Variants in PRRC1 observed in about 807,000 individuals in gnomAD.
PRRC1 encodes the protein protein PRRC1.
PRRC1 carries 39 observed loss-of-function variants against 40.7 expected under a neutral mutation model. That is an observed-to-expected ratio of 0.96 (90% CI 0.74 to 1.25). The LOEUF (loss-of-function observed/expected upper bound fraction) is 1.25. Ranked by LOEUF, PRRC1 falls within the 50% of genes most tolerant of loss-of-function variation. The pLI is 0.00. For missense variants in PRRC1, 573 were observed against 548.3 expected, an observed-to-expected ratio of 1.05 and a Z score of -0.45; for synonymous variants, 175 against 193.3, an observed-to-expected ratio of 0.91 and a Z score of 0.79.
intron 7 of PRRC1, among the ~76,000 whole-genome samples, chr5:127,543,367 T>C (rs233029): frequency 0.99 from 149,842 of 151,038 alleles, 74,364 homozygotes; most frequent in Middle Eastern, 1. Flanking sequence ...TTGCTCTTCT[T>C]GAGGAGTATC....
In PRRC1 at chr5:127,552,703, A is replaced by G. The variant is rs1046119826; in HGVS notation, c.*787A>G. 3.9e-5 allele frequency: 38 copies of G among 982,258 alleles called. No individual in the cohort carries two copies. Among genetic ancestry groups the G allele is most frequent in the Non-Finnish European group, 4.4e-5 (36 of 826,780 alleles). The allele number at this position is 982,258 out of a possible 1,614,324, so 60.8% of individuals were successfully genotyped here. On this transcript the variant is annotated 3_prime_UTR_variant, in exon 9 of 9. Coordinates refer to ENST00000296666, the MANE Select transcript of PRRC1 (RefSeq NM_130809.5). ...TTATTTTTGTATAATACTGTTCAGT[A>G]CTTCCAAGAATAAGCTCTGACAACA...
intron 4 of PRRC1, among the ~76,000 whole-genome samples, chr5:127,529,932 G>A (rs1767721153): frequency 6.6e-6 from 1 of 151,858 alleles, no homozygotes; most frequent in Non-Finnish European, 1.5e-5. Context: ...ACCTTTATTT[G>A]GGACCCTAAG....
Position 127,553,937 on chromosome 5 carries a change from A to T in PRRC1, c.*2021A>T, listed in dbSNP as rs974121828. 1.3e-6 allele frequency: 2 copies of T among 1,532,786 alleles called. No individual in the cohort carries two copies. The highest frequency in any genetic ancestry group is 1.4e-5 in the African/African-American group (1 of 72,852). The allele number at this position is 1,532,786 out of a possible 1,614,324, so 94.9% of individuals were successfully genotyped here. On this transcript the variant is annotated 3_prime_UTR_variant, in exon 9 of 9. Coordinates refer to ENST00000296666, the MANE Select transcript of PRRC1 (RefSeq NM_130809.5). The stretch of plus-strand genomic sequence containing the variant: ...GGTGAGGAAGATGAGAGATGGTCAG[A>T]TGGAAGAGAGAAATACATGAACTGC...
intron 8 of PRRC1, chr5:127,551,432 A>G (rs1030817584): frequency 1.1e-5 from 4 of 371,814 alleles, no homozygotes; most frequent in Non-Finnish European, 2.0e-5. Context: ...CTTATTATTA[A>G]CCTGAAGTGA....
At position 127,552,724 on chromosome 5, in the gene PRRC1, C is replaced by CA. The variant is rs1381207997; in HGVS notation, c.*810dup. On this transcript the variant is annotated 3_prime_UTR_variant, in exon 9 of 9. Coordinates refer to ENST00000296666, the MANE Select transcript of PRRC1 (RefSeq NM_130809.5). Reference sequence around the variant, plus strand: ...CAGTACTTCCAAGAATAAGCTCTGACAACAGCCATTGTTTCTGCTTCCACT... The same window carrying CA: ...CAGTACTTCCAAGAATAAGCTCTGACAAACAGCCATTGTTTCTGCTTCCACT... 2 of 983,216 alleles carry CA rather than the reference C, an allele frequency of 2.0e-6. No individual in the cohort carries two copies. Among genetic ancestry groups the CA allele is most frequent in the Non-Finnish European group, 2.4e-6 (2 of 827,712 alleles). 60.9% of individuals were successfully genotyped at this position (983,216 alleles called of 1,614,324 possible).
chr5:127,527,411 C>T (rs1054077865), intron 4 of PRRC1, among the ~76,000 whole-genome samples: 2 of 151,950 alleles, frequency 1.3e-5, no homozygotes, highest in Non-Finnish European at 2.9e-5. Flanking sequence ...TATAGTCACC[C>T]TGTTGTACAA....
chr5:127,530,485 C>A, intron 5 of PRRC1, 89 bp downstream of exon 5: 1 of 728,226 alleles, frequency 1.4e-6, no homozygotes, highest in Non-Finnish European at 2.2e-6. Context: ...TGTTCGTTTC[C>A]ACTGATTGTG....
chr5:127,551,996 G>T lies in PRRC1; in HGVS notation c.*80G>T. 6.3e-7 allele frequency: 1 copy of T among 1,581,082 alleles called. No homozygotes were observed. Among genetic ancestry groups the T allele is most frequent in the Non-Finnish European group, 8.6e-7 (1 of 1,162,482 alleles). On this transcript the variant is annotated 3_prime_UTR_variant, in exon 9 of 9. Coordinates refer to ENST00000296666, the MANE Select transcript of PRRC1 (RefSeq NM_130809.5). ...AGAAGTGGTTGTACCTTCCTAAATC[G>T]AATAGTCTAAATGAATCCAGTAGTT... is the stretch of plus-strand genomic sequence containing the variant.
intron 5 of PRRC1, among the ~76,000 whole-genome samples, chr5:127,533,346 C>G (rs1307959610): frequency 2.6e-5 from 4 of 152,058 alleles, no homozygotes; most frequent in Admixed American, 1.3e-4. Flanking sequence ...AAATATGTAA[C>G]TTACACTTCA....
At chr5:127,518,578 T>G (rs1232643464) in intron 1 of PRRC1, among the ~76,000 whole-genome samples, 2 of 152,230 alleles carry the variant, frequency 1.3e-5, no homozygotes, top group Non-Finnish European at 2.9e-5. Flanking sequence ...AAAATTTTAT[T>G]TCGGGGTCAG....
intron 1 of PRRC1, among the ~76,000 whole-genome samples, chr5:127,521,257 C>T (rs944969879): frequency 1.3e-5 from 2 of 152,152 alleles, no homozygotes; most frequent in Non-Finnish European, 2.9e-5. Flanking sequence ...CCTTAGTCAC[C>T]CTTGGTCACC....
At position 127,553,526 on chromosome 5, in the gene PRRC1, C is replaced by T. The variant is rs1561691410; in HGVS notation, c.*1610C>T. On this transcript the variant is annotated 3_prime_UTR_variant, in exon 9 of 9. Coordinates refer to ENST00000296666, the MANE Select transcript of PRRC1 (RefSeq NM_130809.5). ...ACAAGAAGGCTTTCTCTACCATTTG[C>T]GTCTACACTTTATTTTAAAAGCTAT... 1.3e-5 allele frequency: 15 copies of T among 1,173,734 alleles called. No homozygotes were observed. Among genetic ancestry groups the T allele is most frequent in the South Asian group, 1.9e-5 (1 of 53,652 alleles). 72.7% of individuals were successfully genotyped at this position (1,173,734 alleles called of 1,614,324 possible).
intron 7 of PRRC1, among the ~76,000 whole-genome samples, chr5:127,540,708 T>G (rs1768020291): frequency 6.6e-6 from 1 of 152,164 alleles, no homozygotes; most frequent in Non-Finnish European, 1.5e-5. Flanking sequence ...CTTCCGTCAT[T>G]TCTGTTAAAA....
chr5:127,533,174 G>C (rs1389388346), intron 5 of PRRC1, among the ~76,000 whole-genome samples: 1 of 151,728 alleles, frequency 6.6e-6, no homozygotes, highest in Non-Finnish European at 1.5e-5. Flanking sequence ...AACATTGTGG[G>C]GATATTTAAT....
chr5:127,552,738 T>C lies in PRRC1; in HGVS notation c.*822T>C, dbSNP rs2127122517. The C allele has an allele frequency of 1.0e-6, 1 of 984,400 alleles. No homozygotes were observed. The highest frequency in any genetic ancestry group is 1.2e-6 in the Non-Finnish European group (1 of 828,590). 61.0% of individuals were successfully genotyped at this position (984,400 alleles called of 1,614,324 possible). ...ATAAGCTCTGACAACAGCCATTGTT[T>C]CTGCTTCCACTCATATTCTCTACAC... On this transcript the variant is annotated 3_prime_UTR_variant, in exon 9 of 9. Transcript: ENST00000296666.
At position 127,553,832 on chromosome 5, in the gene PRRC1, C is replaced by T; in HGVS notation, c.*1916C>T. On this transcript the variant is annotated 3_prime_UTR_variant, in exon 9 of 9. Transcript: ENST00000296666. ...TCCTAGAATCCCCAAAGAGCAGTGG[C>T]AGTCCATGGCTTGGTTGAAGCTAGA... 1 of 1,535,766 alleles carries T rather than the reference C, an allele frequency of 6.5e-7. No homozygotes were observed. The highest frequency in any genetic ancestry group is 1.2e-5 in the South Asian group (1 of 84,060).
intron 8 of PRRC1, 86 bp from the exon 9 acceptor site, chr5:127,551,621 T>A: frequency 1.5e-6 from 2 of 1,350,450 alleles, no homozygotes; most frequent in Non-Finnish European, 2.1e-6. Context: ...TAAAATAACA[T>A]GAAACACTTT....
chr5:127,526,478 A>AG, intron 3 of PRRC1, 140 bp from the exon 4 acceptor site: 1 of 565,906 alleles, frequency 1.8e-6, no homozygotes, highest in Admixed American at 3.5e-5. Flanking sequence ...CGTTTTATAA[A>AG]GGTTTGTGTT....
At chr5:127,531,284 A>G (rs1199382994) in intron 5 of PRRC1, among the ~76,000 whole-genome samples, 1 of 152,188 alleles carries the variant, frequency 6.6e-6, no homozygotes, top group Non-Finnish European at 1.5e-5. Context: ...ATCACCCTAG[A>G]TCACACAACT....
Sources: allele counts gnomAD v4.1 joint callset (sites outside exome capture counted in the v4.1 genomes callset), GRCh38; gene constraint gnomAD v4.1.1; transcripts MANE v1.5; gene names NCBI Gene and HGNC (gene_info 2026-07-23, HGNC 2026-07-21).